The following TTC7A variants were observed in gnomAD, a reference collection of about 807,000 sequenced individuals.
TTC7A encodes the protein tetratricopeptide repeat protein 7A.
Under a neutral mutation model 103.7 loss-of-function variants are expected in TTC7A, and 110 were observed. The observed-to-expected ratio is 1.06, with a 90% CI of 0.91 to 1.24. The LOEUF is 1.24. Ranked by LOEUF, TTC7A falls within the 50% of genes most tolerant of loss-of-function variation. The pLI is 0.00. For synonymous variants in TTC7A, 521 were observed against 467.9 expected, an observed-to-expected ratio of 1.11 and a Z score of -1.47; for missense variants, 1,340 against 1,116.3, an observed-to-expected ratio of 1.20 and a Z score of -2.86.
chr2:46,963,345 G>C (rs1484712578), intron 3 of TTC7A, among the ~76,000 whole-genome samples: 1 of 152,258 alleles, frequency 6.6e-6, no homozygotes, highest in Admixed American at 6.5e-5. Context: ...ATAGGGCTTA[G>C]CATGGGCCCC....
intron 1 of TTC7A, among the ~76,000 whole-genome samples, chr2:46,943,383 G>A (rs147064131): frequency 1.1e-3 from 164 of 152,308 alleles, no homozygotes; most frequent in Non-Finnish European, 1.9e-3. Flanking sequence ...TTGGGGACAC[G>A]GAGCCTGGGC....
chr2:47,037,910 A>G (rs1681286462), intron 15 of TTC7A, among the ~76,000 whole-genome samples: 1 of 152,152 alleles, frequency 6.6e-6, no homozygotes, highest in African/African-American at 2.4e-5. Flanking sequence ...TCCTGCAGCA[A>G]TCCTCAGGGT....
chr2:46,961,404 T>C (rs1036128796), intron 3 of TTC7A, among the ~76,000 whole-genome samples: 2 of 151,782 alleles, frequency 1.3e-5, no homozygotes, highest in Non-Finnish European at 1.5e-5. Flanking sequence ...GGTGAAACCC[T>C]ATCTCTACTA....
intron 10 of TTC7A, among the ~76,000 whole-genome samples, chr2:47,010,060 AC>A (rs1399393366): frequency 6.6e-6 from 1 of 152,144 alleles, no homozygotes; most frequent in Non-Finnish European, 1.5e-5. Flanking sequence ...TGAACAAGTT[AC>A]CTGACTTCTC....
intron 5 of TTC7A, among the ~76,000 whole-genome samples, chr2:46,992,022 T>C (rs2104372091): frequency 6.6e-6 from 1 of 152,288 alleles, no homozygotes; most frequent in South Asian, 2.1e-4. Flanking sequence ...CCCAGGAGCC[T>C]GTTTTGTGCA....
In TTC7A at chr2:47,007,603, G is replaced by A. The variant is rs1389728031; in HGVS notation, c.1287+879G>A. Among the ~76,000 whole-genome samples, 4 of 152,248 alleles carry A rather than the reference G, an allele frequency of 2.6e-5. 1 individual carries two copies. Among genetic ancestry groups the A allele is most frequent in the African/African-American group, 9.6e-5 (4 of 41,554 alleles). On this transcript the variant is annotated intron_variant, in intron 10 of 19. Coordinates refer to ENST00000319190, the MANE Select transcript of TTC7A (RefSeq NM_020458.4). The surrounding 1 kb of genome is among the most constrained non-coding windows in gnomAD (Gnocchi z 4.9). ...AGCCGTCTCTGAGGAGGGCCCTCCTGGCTTGCCAGTGCCTCCTCCACGCAT... is the reference window on the plus strand; with the variant it reads ...AGCCGTCTCTGAGGAGGGCCCTCCTAGCTTGCCAGTGCCTCCTCCACGCAT...
At chr2:46,925,414 C>A (rs898169963) in intron 2 of TTC7A, among the ~76,000 whole-genome samples, 1 of 151,974 alleles carries the variant, frequency 6.6e-6, no homozygotes, top group Non-Finnish European at 1.5e-5. Flanking sequence ...AAAAATTAGC[C>A]GGGCATGGTG....
chr2:46,948,842 T>C (rs1367081232), intron 1 of TTC7A, among the ~76,000 whole-genome samples: 1 of 152,194 alleles, frequency 6.6e-6, no homozygotes. Flanking sequence ...GGCAGCCCTG[T>C]AGATCTGAGA....
intron 2 of TTC7A, among the ~76,000 whole-genome samples, chr2:46,933,153 GGCCCATTGTAGCAGTCTT>G (rs1669800324): frequency 6.6e-6 from 1 of 152,126 alleles, no homozygotes; most frequent in African/African-American, 2.4e-5. Context: ...TCTGGAGAGG[GGCCCATTGTAGCAGTCTT>G]GCAAAATGAC....
chr2:46,993,630 G>A lies in TTC7A; in HGVS notation c.843+102G>A, dbSNP rs941490773. 5 of 1,054,780 alleles carry A rather than the reference G, an allele frequency of 4.7e-6. No homozygotes were observed. The African/African-American group carries it at 6.2e-5, about 13-fold the overall frequency. 65.3% of individuals were successfully genotyped at this position (1,054,780 alleles called of 1,614,324 possible). On this transcript the variant is annotated intron_variant, in intron 6 of 19. Coordinates refer to ENST00000319190, the MANE Select transcript of TTC7A (RefSeq NM_020458.4). ...GCCTGTGAAGCAGGGGTGGCAGTAGGTCTCCTGCCTGCTTGTGGCAGAGGT... is the reference window on the plus strand; with the variant it reads ...GCCTGTGAAGCAGGGGTGGCAGTAGATCTCCTGCCTGCTTGTGGCAGAGGT...
chr2:46,973,425 C>T (rs1183576076), intron 3 of TTC7A, among the ~76,000 whole-genome samples: 2 of 152,220 alleles, frequency 1.3e-5, no homozygotes, highest in African/African-American at 2.4e-5. Flanking sequence ...CCTTGCTACC[C>T]TCATTTATCC....
At chr2:46,958,988 T>C (rs932046851) in intron 3 of TTC7A, among the ~76,000 whole-genome samples, 1 of 152,216 alleles carries the variant, frequency 6.6e-6, no homozygotes, top group African/African-American at 2.4e-5. Context: ...TGTAACCCTC[T>C]GAGCTGGTGT....
intron 14 of TTC7A, among the ~76,000 whole-genome samples, chr2:47,026,936 G>A (rs1461282170): frequency 2.6e-5 from 4 of 152,208 alleles, no homozygotes; most frequent in Admixed American, 2.6e-4. Context: ...AGGAGAGGGT[G>A]TTTATCTGTC....
chr2:46,975,756 G>A (rs1673816975), intron 4 of TTC7A, among the ~76,000 whole-genome samples: 1 of 151,606 alleles, frequency 6.6e-6, no homozygotes, highest in Non-Finnish European at 1.5e-5. Context: ...TTTTTTAGAT[G>A]GAGTCTTGCT....
At position 47,073,757 on chromosome 2, in the gene TTC7A, A is replaced by T; in HGVS notation, c.2411A>T (p.Asp804Val). 1 of 1,613,714 alleles carries T rather than the reference A, an allele frequency of 6.2e-7. No individual in the cohort carries two copies. ...AGCTTGGCCCAGAAGGTGCTTCGTG[A>T]TGCCGTGGAGAGGCAGAGTACGTGC... The part of the protein sequence containing the change: ...HKSLAQKVLR[D>V]AVERQSTCHE... Residue 804 changes from aspartate to valine, a missense_variant, in exon 20 of 20, where the codon GAT becomes GTT. Coordinates refer to ENST00000319190, the MANE Select transcript of TTC7A (RefSeq NM_020458.4).
chr2:46,975,174 C>A, intron 4 of TTC7A, 71 bp downstream of exon 4: 1 of 1,581,972 alleles, frequency 6.3e-7, no homozygotes, highest in East Asian at 2.3e-5. Flanking sequence ...TCCCACTAAA[C>A]CCATAGGTCA....
intron 1 of TTC7A, among the ~76,000 whole-genome samples, chr2:46,947,976 C>T (rs551335344): frequency 6.6e-6 from 1 of 152,314 alleles, no homozygotes; most frequent in Non-Finnish European, 1.5e-5. Flanking sequence ...TCCAAAGGGG[C>T]GTGCTCTGGG....
At chr2:47,064,145 C>T (rs1013150666) in intron 19 of TTC7A, among the ~76,000 whole-genome samples, 1 of 152,362 alleles carries the variant, frequency 6.6e-6, no homozygotes, top group East Asian at 1.9e-4. Context: ...TGGCAGTTCT[C>T]TGCTAGGCAA....
chr2:47,050,319 A>C, intron 17 of TTC7A: 1 of 489,546 alleles, frequency 2.0e-6, no homozygotes. Flanking sequence ...GCTGTGGAGC[A>C]CAGAAACCGT....
Sources: allele counts gnomAD v4.1 joint callset (sites outside exome capture counted in the v4.1 genomes callset), GRCh38; gene constraint gnomAD v4.1.1; non-coding constraint Gnocchi (gnomAD v3.1); transcripts MANE v1.5; gene names NCBI Gene and HGNC (gene_info 2026-07-23, HGNC 2026-07-21).